The following LRRC4C variants were observed in gnomAD, a reference collection of about 807,000 sequenced individuals.
LRRC4C encodes the protein leucine-rich repeat-containing protein 4C.
A neutral mutation model predicts 33.6 loss-of-function variants in LRRC4C; 5 were observed. That is an observed-to-expected ratio of 0.15 (90% CI 0.08 to 0.31). The LOEUF (loss-of-function observed/expected upper bound fraction) is 0.31. Among genes scored for constraint, LRRC4C ranks in the 10% least tolerant of loss-of-function variants. The probability of loss-of-function intolerance (pLI) is 1.00; values close to 1 mark genes in which losing one functional copy is unlikely to be tolerated. For missense variants in LRRC4C, 560 were observed against 796.7 expected (o/e 0.70, Z 3.58); for synonymous variants, 329 against 302.0 (o/e 1.09, Z -0.93).
chr11:41,133,984 C>T (rs1335688390), intron 1 of LRRC4C, among the ~76,000 whole-genome samples: 1 of 152,120 alleles, frequency 6.6e-6, no homozygotes, highest in Non-Finnish European at 1.5e-5. Context: ...TATATAAATC[C>T]ACACTCTAAT....
intron 3 of LRRC4C, among the ~76,000 whole-genome samples, chr11:40,379,651 T>C (rs1346312491): frequency 1.3e-5 from 2 of 152,170 alleles, no homozygotes; most frequent in East Asian, 1.9e-4. Context: ...CTTCTTTCTG[T>C]TTGTGGGAAT....
In LRRC4C at chr11:40,137,371, C is replaced by T. The variant is rs145650046; in HGVS notation, c.-43+3430G>A. On this transcript the variant is annotated intron_variant, in intron 6 of 6. Transcript: ENST00000528697. ...ATTTTTTTGCTTTTTCTCTTCACCT[C>T]ACCCCTTTTCTCCAGCCAGCAACAC... 5.4e-3 allele frequency among the ~76,000 whole-genome samples: 816 copies of T among 152,222 alleles called. 7 individuals are homozygous for T. The highest frequency in any genetic ancestry group is 1.0e-2 in the South Asian group (48 of 4,822).
At chr11:41,245,837 C>T (rs1042340819) in intron 1 of LRRC4C, among the ~76,000 whole-genome samples, 4 of 152,280 alleles carry the variant, frequency 2.6e-5, no homozygotes, top group Admixed American at 2.6e-4. Context: ...GACAGAACAC[C>T]TTAGAGGAGA....
intron 2 of LRRC4C, among the ~76,000 whole-genome samples, chr11:40,723,159 A>C (rs1183846534): frequency 6.6e-6 from 1 of 152,104 alleles, no homozygotes; most frequent in African/African-American, 2.4e-5. Flanking sequence ...AAGAAGAGAG[A>C]GTAACCAACT....
At chr11:41,241,245 A>G (rs545546242) in intron 1 of LRRC4C, among the ~76,000 whole-genome samples, 1 of 152,286 alleles carries the variant, frequency 6.6e-6, no homozygotes, top group South Asian at 2.1e-4. Context: ...ACCCAGGAGG[A>G]ATAAATGATT....
chr11:40,600,146 A>G (rs1959833966), intron 3 of LRRC4C, among the ~76,000 whole-genome samples: 1 of 152,190 alleles, frequency 6.6e-6, no homozygotes, highest in African/African-American at 2.4e-5. Context: ...GTTCAGGGTG[A>G]CTAGAGGATT....
In LRRC4C at chr11:41,171,121, T is replaced by C. The variant is rs373210877; in HGVS notation, c.-495-237398A>G. On this transcript the variant is annotated intron_variant, in intron 1 of 6. Coordinates refer to ENST00000528697, the MANE Select transcript of LRRC4C (RefSeq NM_001258419.2). Reference sequence around the variant, plus strand: ...AGGAAACAACAGGTGCTGGAGAGGATGTGGAGAAATAGGAACACTTTTACA... The same window carrying C: ...AGGAAACAACAGGTGCTGGAGAGGACGTGGAGAAATAGGAACACTTTTACA... Among the ~76,000 whole-genome samples the C allele has an allele frequency of 2.2e-4, 33 of 152,004 alleles. 1 individual carries two copies. The East Asian group carries it at 3.5e-3, about 16-fold the overall frequency.
Position 40,169,805 on chromosome 11 carries a change from AC to A in LRRC4C, c.-95-28953del, listed in dbSNP as rs149381593. Among the ~76,000 whole-genome samples, 535 of 152,308 alleles carry A rather than the reference AC, an allele frequency of 3.5e-3. 6 individuals are homozygous for A. Among genetic ancestry groups the A allele is most frequent in the African/African-American group, 0.012 (510 of 41,574 alleles). ...ACATCACTTTTACAATTCACAATTC[AC>A]ACGATTTCTTATTAGCACTAATTAT... On this transcript the variant is annotated intron_variant, in intron 5 of 6. Coordinates refer to ENST00000528697, the MANE Select transcript of LRRC4C (RefSeq NM_001258419.2).
At chr11:40,662,846 AG>A (rs1329439549) in intron 2 of LRRC4C, among the ~76,000 whole-genome samples, 5 of 152,242 alleles carry the variant, frequency 3.3e-5, no homozygotes, top group African/African-American at 9.6e-5. Context: ...GTGAAGATTT[AG>A]TTGACATGCA....
intron 2 of LRRC4C, among the ~76,000 whole-genome samples, chr11:40,802,151 C>A (rs374338194): frequency 1.3e-5 from 2 of 152,256 alleles, no homozygotes; most frequent in African/African-American, 4.8e-5. Context: ...CAGAACTGTG[C>A]AAGTGCAGCC....
At chr11:41,389,626 TAACAGTGAGCAGCAA>T (rs947294658) in intron 1 of LRRC4C, among the ~76,000 whole-genome samples, 1 of 15,770 alleles carries the variant, frequency 6.3e-5, no homozygotes, top group African/African-American at 2.0e-4. Context: ...TAATCTAGGA[TAACAGTGAGCAGCAA>T]AAAAAAAAAA....
chr11:40,887,852 C>T (rs1955533443), intron 2 of LRRC4C, among the ~76,000 whole-genome samples: 1 of 151,886 alleles, frequency 6.6e-6, no homozygotes, highest in South Asian at 2.1e-4. Flanking sequence ...ATCCTTGTGG[C>T]TCTTTATTAA....
chr11:40,771,194 C>T (rs1267775116), intron 2 of LRRC4C, among the ~76,000 whole-genome samples: 1 of 152,172 alleles, frequency 6.6e-6, no homozygotes, highest in African/African-American at 2.4e-5. Flanking sequence ...ACAGAAGTTC[C>T]CAAACCTCAA....
chr11:41,387,351 C>A (rs1397195646), intron 1 of LRRC4C, among the ~76,000 whole-genome samples: 1 of 151,602 alleles, frequency 6.6e-6, no homozygotes, highest in African/African-American at 2.4e-5. Flanking sequence ...GTGAGGAACA[C>A]CTGACTGAAT....
intron 2 of LRRC4C, among the ~76,000 whole-genome samples, chr11:40,699,904 A>G (rs187536056): frequency 1.3e-5 from 2 of 152,328 alleles, no homozygotes; most frequent in East Asian, 1.9e-4. Flanking sequence ...AAGACATAGA[A>G]TTCTTAATAA....
intron 1 of LRRC4C, among the ~76,000 whole-genome samples, chr11:41,109,552 T>A (rs915402705): frequency 6.6e-6 from 1 of 152,088 alleles, no homozygotes; most frequent in African/African-American, 2.4e-5. Flanking sequence ...TGACAACCTT[T>A]TAATTTTGGA....
rs145356928 is a variant in LRRC4C at position 40,481,817 on chromosome 11, T to A, written c.-269-162096A>T. 4.7e-3 allele frequency among the ~76,000 whole-genome samples: 715 copies of A among 152,248 alleles called. 22 individuals are homozygous for A. Among genetic ancestry groups the A allele is most frequent in the Admixed American group, 0.034 (513 of 15,286 alleles). On this transcript the variant is annotated intron_variant, in intron 3 of 6. Coordinates refer to ENST00000528697, the MANE Select transcript of LRRC4C (RefSeq NM_001258419.2). Reference sequence around the variant, plus strand: ...TGCCTATTTTCAAAGAATTGAGATATCAGATAAGCCATAAATATGAACAAA... The same window carrying A: ...TGCCTATTTTCAAAGAATTGAGATAACAGATAAGCCATAAATATGAACAAA...
intron 5 of LRRC4C, among the ~76,000 whole-genome samples, chr11:40,179,663 C>T (rs1020276301): frequency 2.0e-5 from 3 of 152,116 alleles, no homozygotes; most frequent in East Asian, 1.9e-4. Context: ...GCATCCAGCA[C>T]GTGCCTTGGA....
intron 3 of LRRC4C, among the ~76,000 whole-genome samples, chr11:40,370,776 A>G (rs1332960082): frequency 6.6e-6 from 1 of 152,224 alleles, no homozygotes; most frequent in Non-Finnish European, 1.5e-5. Context: ...ACTGCTCAAG[A>G]GTTTATTTTC....
Sources: gnomAD v4.1 joint callset for allele counts (sites outside exome capture counted in the v4.1 genomes callset) on GRCh38, gnomAD v4.1.1 for gene constraint, MANE v1.5 for transcripts, NCBI Gene and HGNC (gene_info 2026-07-23, HGNC 2026-07-21) for gene names.